MYO5B: variants seen among roughly 807,000 people sequenced by gnomAD.
MYO5B encodes myosin VB, also known as unconventional myosin-Vb.
A neutral mutation model predicts 229.3 loss-of-function variants in MYO5B; 143 were observed. The ratio of observed to expected loss-of-function variants is 0.62; its 90% CI spans 0.54 to 0.72. The LOEUF is 0.72. MYO5B is among the 30% of genes least tolerant of loss of function. MYO5B has a pLI of 0.00. For missense variants in MYO5B, 2,321 were observed against 2,331.0 expected, an observed-to-expected ratio of 1.00 and a Z score of 0.09; for synonymous variants, 918 against 885.2, an observed-to-expected ratio of 1.04 and a Z score of -0.66.
At chr18:49,880,287 C>A in intron 23 of MYO5B, 84 bp downstream of exon 23, 1 of 1,153,392 alleles carries the variant, frequency 8.7e-7, no homozygotes, top group African/African-American at 1.5e-5. Context: ...AGTCTAACTG[C>A]ATGCTTGCTA....
intron 2 of MYO5B, among the ~76,000 whole-genome samples, chr18:50,041,300 T>C (rs2030007812): frequency 6.6e-6 from 1 of 152,232 alleles, no homozygotes. Context: ...CATAAAACTT[T>C]TAGGAAATTC....
intron 12 of MYO5B, 124 bp from the exon 13 acceptor site, chr18:49,954,559 C>A (rs1439593554): frequency 1.6e-6 from 2 of 1,247,346 alleles, no homozygotes; most frequent in African/African-American, 1.5e-5. Context: ...CGAACCAGGA[C>A]CTTAACTGGA....
rs182042231 is a variant in MYO5B at position 49,859,211 on chromosome 18, C to A, written c.3945-2321G>T. 1.1e-4 allele frequency among the ~76,000 whole-genome samples: 16 copies of A among 152,302 alleles called. No individual in the cohort carries two copies. The South Asian group carries it at 1.9e-3, about 18-fold the overall frequency. ...CACGCCCTGGGCCTCTCTTTCTTTA[C>A]GGGTAAAGTGAAAGTAGCCTACTGA... On this transcript the variant is annotated intron_variant, in intron 29 of 39. Transcript: ENST00000285039.
intron 27 of MYO5B, chr18:49,871,799 A>AC (rs1249842209): frequency 1.5e-5 from 5 of 322,796 alleles, no homozygotes; most frequent in Non-Finnish European, 3.0e-5. Context: ...CTGCCATGGG[A>AC]CCCACTCACC....
intron 1 of MYO5B, among the ~76,000 whole-genome samples, chr18:50,122,766 C>A (rs1021847364): frequency 6.6e-6 from 1 of 151,844 alleles, no homozygotes; most frequent in Non-Finnish European, 1.5e-5. Flanking sequence ...CAATAAGACA[C>A]CATTTTACAT....
intron 1 of MYO5B, among the ~76,000 whole-genome samples, chr18:50,120,536 A>G (rs1437188731): frequency 6.6e-6 from 1 of 152,162 alleles, no homozygotes; most frequent in Non-Finnish European, 1.5e-5. Context: ...CACTAGGAGC[A>G]TTTGTCTACC....
intron 29 of MYO5B, among the ~76,000 whole-genome samples, chr18:49,862,624 T>C (rs1261554311): frequency 6.6e-6 from 1 of 152,244 alleles, no homozygotes; most frequent in Admixed American, 6.5e-5. Flanking sequence ...TTGGCCCTGC[T>C]GCTGCCCTCA....
At chr18:49,963,586 C>T (rs756169360) in intron 10 of MYO5B, among the ~76,000 whole-genome samples, 10 of 151,916 alleles carry the variant, frequency 6.6e-5, no homozygotes, top group South Asian at 2.1e-4. Flanking sequence ...GCCACCATGC[C>T]GAGCTAATTT....
chr18:49,956,686 A>T (rs2025495989), intron 12 of MYO5B, among the ~76,000 whole-genome samples: 1 of 152,186 alleles, frequency 6.6e-6, no homozygotes, highest in Non-Finnish European at 1.5e-5. Context: ...AGCTATATGA[A>T]CTTCTTTCTG....
At chr18:50,142,314 T>C (rs959673172) in intron 1 of MYO5B, among the ~76,000 whole-genome samples, 1 of 152,230 alleles carries the variant, frequency 6.6e-6, no homozygotes, top group Non-Finnish European at 1.5e-5. Context: ...AGAAATGTTA[T>C]GAAAGTGGCT....
At chr18:50,052,280 C>T (rs1462636498) in intron 2 of MYO5B, among the ~76,000 whole-genome samples, 2 of 151,636 alleles carry the variant, frequency 1.3e-5, no homozygotes, top group African/African-American at 4.9e-5. Flanking sequence ...GCACTATTCA[C>T]AATAGCAAAG....
At chr18:50,034,779 A>C (rs1280704610) in intron 4 of MYO5B, among the ~76,000 whole-genome samples, 1 of 152,098 alleles carries the variant, frequency 6.6e-6, no homozygotes, top group Non-Finnish European at 1.5e-5. Context: ...AAACCAAAAA[A>C]ACAAAAAAGC....
rs67439768 is a variant in MYO5B at position 50,077,484 on chromosome 18, AACACACAC to A, written c.28-22114_28-22107del. On this transcript the variant is annotated intron_variant, in intron 1 of 39. Coordinates refer to ENST00000285039, the MANE Select transcript of MYO5B (RefSeq NM_001080467.3). ...CTAAGGTGATCCGTGATCAAGGCAA[AACACACAC>A]ACACACACAAACACACACACACACA... 9.2e-5 allele frequency among the ~76,000 whole-genome samples: 10 copies of A among 108,268 alleles called. No individual in the cohort carries two copies. In the South Asian group the frequency reaches 2.4e-3, roughly 26 times the overall value. 71.0% of individuals were successfully genotyped at this position (108,268 alleles called of 152,430 possible). A position where few individuals can be genotyped will look rare whatever the true frequency, so the allele number is the denominator to read the frequency against.
intron 1 of MYO5B, among the ~76,000 whole-genome samples, chr18:50,125,973 G>A (rs1612024): frequency 0.82 from 124,702 of 152,124 alleles, 51,431 homozygotes; most frequent in Admixed American, 0.87. Context: ...ACAGAAAGTA[G>A]ACTGGTGGGT....
intron 2 of MYO5B, among the ~76,000 whole-genome samples, chr18:50,050,357 C>T (rs1029073542): frequency 2.2e-4 from 33 of 152,100 alleles, no homozygotes; most frequent in African/African-American, 6.8e-4. Flanking sequence ...TCAAGGTGAA[C>T]GAGTCTGAGT....
Position 50,055,250 on chromosome 18 carries a change from C to G in MYO5B, c.138+18G>C. On this transcript the variant is annotated intron_variant, in intron 2 of 39. Coordinates refer to ENST00000285039, the MANE Select transcript of MYO5B (RefSeq NM_001080467.3). Reference sequence around the variant, plus strand: ...GCCCCACCTCACCCCCGCCCCCCTGCCCCGGACTCACTCTTACCGTTTCAT... The same window carrying G: ...GCCCCACCTCACCCCCGCCCCCCTGGCCCGGACTCACTCTTACCGTTTCAT... The G allele has an allele frequency of 7.5e-7, 1 of 1,339,644 alleles. No homozygotes were observed. The highest frequency in any genetic ancestry group is 1.1e-6 in the Non-Finnish European group (1 of 935,778). 83.0% of individuals were successfully genotyped at this position (1,339,644 alleles called of 1,614,324 possible).
At chr18:49,973,746 G>A (rs943918191) in intron 10 of MYO5B, among the ~76,000 whole-genome samples, 1 of 152,162 alleles carries the variant, frequency 6.6e-6, no homozygotes, top group Non-Finnish European at 1.5e-5. Context: ...CCGATGGCTA[G>A]GCAAGTACAC....
rs974481384 is a variant in MYO5B, at chr18:50,044,497, C to T, written c.139-4183G>A. Among the ~76,000 whole-genome samples, 9 of 151,976 alleles carry T rather than the reference C, an allele frequency of 5.9e-5. No individual in the cohort carries two copies. In the South Asian group the frequency reaches 6.2e-4, roughly 11 times the overall value. On this transcript the variant is annotated intron_variant, in intron 2 of 39. Coordinates refer to ENST00000285039, the MANE Select transcript of MYO5B (RefSeq NM_001080467.3). ...ATACTTAGTCACCACTCAGAGTGGA[C>T]CTTGCCTCCTTTCTGCAACTAGGAG...
chr18:49,923,089 G>A (rs1431493598), intron 17 of MYO5B, among the ~76,000 whole-genome samples: 1 of 152,178 alleles, frequency 6.6e-6, no homozygotes, highest in Non-Finnish European at 1.5e-5. Flanking sequence ...TAGGAACAGG[G>A]CAGTGAGCGG....
Sources: allele counts gnomAD v4.1 joint callset (sites outside exome capture counted in the v4.1 genomes callset), GRCh38; gene constraint gnomAD v4.1.1; transcripts MANE v1.5; gene names NCBI Gene and HGNC (gene_info 2026-07-23, HGNC 2026-07-21).